FIP1L1: variants seen among roughly 807,000 people sequenced by gnomAD.
FIP1L1 encodes the protein pre-mRNA 3'-end-processing factor FIP1.
A neutral mutation model predicts 84.6 loss-of-function variants in FIP1L1; 21 were observed. The ratio of observed to expected loss-of-function variants is 0.25; its 90% CI spans 0.18 to 0.36. The LOEUF is 0.36. FIP1L1 is among the 10% of genes least tolerant of loss of function. The pLI, the probability that FIP1L1 is intolerant of heterozygous loss-of-function variation, is 1.00. For missense variants in FIP1L1, 526 were observed against 751.1 expected (o/e 0.70, Z 3.50); for synonymous variants, 263 against 242.3 (o/e 1.09, Z -0.80).
intron 15 of FIP1L1, 132 bp downstream of exon 15, chr4:53,444,235 A>G: frequency 1.7e-6 from 1 of 584,054 alleles, no homozygotes; most frequent in South Asian, 2.4e-5. Flanking sequence ...TACAGGAATG[A>G]GTGGTCTATG....
chr4:53,377,976 GCCCT>G, intron 1 of FIP1L1, 53 bp downstream of exon 1: 5 of 1,431,612 alleles, frequency 3.5e-6, no homozygotes, highest in Non-Finnish European at 9.4e-7. Context: ...TCCCCTCTTG[GCCCT>G]CAAACGGCCG....
In FIP1L1 at chr4:53,428,044, T is replaced by G. The variant is rs1765052446; in HGVS notation, c.1035T>G (p.Ser345=). 2.5e-6 allele frequency: 4 copies of G among 1,606,442 alleles called. No homozygotes were observed. Among genetic ancestry groups the G allele is most frequent in the Middle Eastern group, 1.7e-4 (1 of 6,030 alleles). Residue 345 remains serine, a synonymous_variant, in exon 13 of 18, where the codon TCT becomes TCG. Coordinates refer to ENST00000337488, the MANE Select transcript of FIP1L1 (RefSeq NM_030917.4). ...NSNIQVLSER[S]ATEVDNNFSK... Reference sequence around the variant, plus strand: ...AATTTTAGGTCCTTTCTGAAAGATCTGCTACTGAAGTAGACAACAATTTTA... The same window carrying G: ...AATTTTAGGTCCTTTCTGAAAGATCGGCTACTGAAGTAGACAACAATTTTA...
intron 13 of FIP1L1, among the ~76,000 whole-genome samples, chr4:53,436,338 A>T (rs1487273832): frequency 6.6e-6 from 1 of 152,212 alleles, no homozygotes; most frequent in African/African-American, 2.4e-5. Flanking sequence ...ATTTGTCTCC[A>T]AGCTCACTCA....
intron 9 of FIP1L1, among the ~76,000 whole-genome samples, chr4:53,395,966 T>A (rs1200049583): frequency 6.6e-6 from 1 of 151,962 alleles, no homozygotes; most frequent in East Asian, 1.9e-4. Context: ...TTGCCCATGC[T>A]GGAGTGCAAT....
At chr4:53,423,602 T>C (rs560532589) in intron 11 of FIP1L1, among the ~76,000 whole-genome samples, 1 of 152,328 alleles carries the variant, frequency 6.6e-6, no homozygotes, top group South Asian at 2.1e-4. Context: ...GTGTGTCTTA[T>C]CATAAAACAT....
At chr4:53,446,287 T>C (rs1158613531) in intron 15 of FIP1L1, among the ~76,000 whole-genome samples, 3 of 152,192 alleles carry the variant, frequency 2.0e-5, no homozygotes, top group Non-Finnish European at 4.4e-5. Context: ...CTTAAAGATA[T>C]TCAGCCATTA....
At chr4:53,381,753 C>CATTTTTTTT (rs1738037866) in intron 3 of FIP1L1, among the ~76,000 whole-genome samples, 1 of 87,948 alleles carries the variant, frequency 1.1e-5, no homozygotes, top group Non-Finnish European at 2.0e-5. Context: ...CATTTGCATT[C>CATTTTTTTT]TTTTTTTTTT....
At chr4:53,400,437 T>C (rs1325145962) in intron 10 of FIP1L1, among the ~76,000 whole-genome samples, 1 of 152,114 alleles carries the variant, frequency 6.6e-6, no homozygotes, top group Non-Finnish European at 1.5e-5. Flanking sequence ...TGGTAAAGGA[T>C]AGTAGGCTAA....
At chr4:53,431,984 G>C (rs1210063028) in intron 13 of FIP1L1, among the ~76,000 whole-genome samples, 1 of 152,088 alleles carries the variant, frequency 6.6e-6, no homozygotes, top group Non-Finnish European at 1.5e-5. Flanking sequence ...GGCCATAATA[G>C]ATTTGTATGA....
chr4:53,395,768 CTACGT>C (rs1181033239), intron 9 of FIP1L1, among the ~76,000 whole-genome samples: 1 of 151,804 alleles, frequency 6.6e-6, no homozygotes, highest in Non-Finnish European at 1.5e-5. Context: ...ATGTGTATAT[CTACGT>C]TAATTTTTCT....
rs1053671300 is a variant in FIP1L1, at chr4:53,377,677, C to G, written c.-162C>G. The stretch of plus-strand genomic sequence containing the variant: ...GACGGACCTGCGCTGGAGGCTTCAT[C>G]TTTGCCGCCGCTGCCGTCGCCTTCC... On this transcript the variant is annotated 5_prime_UTR_variant, in exon 1 of 18. It adds an upstream start codon to the 5' untranslated region. Transcript: ENST00000337488. 20 of 632,890 alleles carry G rather than the reference C, an allele frequency of 3.2e-5. No homozygotes were observed. Among genetic ancestry groups the G allele is most frequent in the African/African-American group, 2.4e-4 (13 of 53,074 alleles). 39.2% of individuals were successfully genotyped at this position (632,890 alleles called of 1,614,324 possible).
chr4:53,449,720 G>A (rs1775636313), intron 15 of FIP1L1, among the ~76,000 whole-genome samples: 1 of 152,046 alleles, frequency 6.6e-6, no homozygotes, highest in South Asian at 2.1e-4. Flanking sequence ...TCACTCACCT[G>A]TAAAAGGCAT....
At chr4:53,447,196 A>G (rs758450819) in intron 15 of FIP1L1, among the ~76,000 whole-genome samples, 10 of 152,060 alleles carry the variant, frequency 6.6e-5, no homozygotes, top group Non-Finnish European at 1.0e-4. Context: ...TCTTGAGTAT[A>G]TAACTTACAT....
chr4:53,446,261 C>G (rs1171458983), intron 15 of FIP1L1, among the ~76,000 whole-genome samples: 1 of 151,986 alleles, frequency 6.6e-6, no homozygotes, highest in Non-Finnish European at 1.5e-5. Context: ...GATTCCCCCT[C>G]TTACCATTTA....
At chr4:53,433,983 T>C (rs1464649159) in intron 13 of FIP1L1, among the ~76,000 whole-genome samples, 2 of 152,118 alleles carry the variant, frequency 1.3e-5, no homozygotes, top group Non-Finnish European at 2.9e-5. Flanking sequence ...GAGTTGCTCA[T>C]ATCTAGGGTC....
At chr4:53,383,253 G>C (rs901265985) in intron 4 of FIP1L1, among the ~76,000 whole-genome samples, 3 of 152,118 alleles carry the variant, frequency 2.0e-5, no homozygotes, top group African/African-American at 7.2e-5. Flanking sequence ...ATGCCAAAAA[G>C]ATTTCATTTC....
chr4:53,391,908 A>G (rs145547403), intron 9 of FIP1L1, among the ~76,000 whole-genome samples: 6 of 152,370 alleles, frequency 3.9e-5, no homozygotes, highest in African/African-American at 1.4e-4. Context: ...TATGACACTT[A>G]TAACACTGAT....
chr4:53,417,662 A>G (rs28633646), intron 11 of FIP1L1, among the ~76,000 whole-genome samples: 14,969 of 142,794 alleles, frequency 0.1, 1,937 homozygotes, highest in African/African-American at 0.27. Flanking sequence ...AAAAAAAAAA[A>G]AAAAGAAAAG....
chr4:53,457,600 T>A (rs562821951), intron 16 of FIP1L1, among the ~76,000 whole-genome samples: 1 of 152,252 alleles, frequency 6.6e-6, no homozygotes, highest in Non-Finnish European at 1.5e-5. Context: ...GTCACCTGAC[T>A]ATGTTAAACC....
Sources: allele counts gnomAD v4.1 joint callset (sites outside exome capture counted in the v4.1 genomes callset), GRCh38; gene constraint gnomAD v4.1.1; transcripts MANE v1.5; gene names NCBI Gene and HGNC (gene_info 2026-07-23, HGNC 2026-07-21).